The following USP38 variants were observed in gnomAD, a reference collection of about 807,000 sequenced individuals.
The protein encoded by USP38 is ubiquitin carboxyl-terminal hydrolase 38.
A neutral mutation model predicts 94.3 loss-of-function variants in USP38; 49 were observed. The observed-to-expected ratio is 0.52, with a 90% CI of 0.41 to 0.66. USP38 has a LOEUF of 0.66. Among genes scored for constraint, USP38 ranks in the 30% least tolerant of loss-of-function variants. The pLI is 0.00. For synonymous variants in USP38, 468 were observed against 463.6 expected, an observed-to-expected ratio of 1.01 and a Z score of -0.12; for missense variants, 1,128 against 1,229.4, an observed-to-expected ratio of 0.92 and a Z score of 1.23.
rs947330654 is a variant in USP38 at position 143,221,509 on chromosome 4, G to GT, written c.*1059dup. ...CATATTTTTAGAGTTTTACATTTGG[G>GT]TTTTTTGTTTGTTTGTTTCAGTCAT... is the stretch of plus-strand genomic sequence containing the variant. On this transcript the variant is annotated 3_prime_UTR_variant, in exon 10 of 10. Coordinates refer to ENST00000307017, the MANE Select transcript of USP38 (RefSeq NM_032557.6). The GT allele has an allele frequency of 5.9e-5, 9 of 152,384 alleles. No individual in the cohort carries two copies. The highest frequency in any genetic ancestry group is 1.2e-4 in the Non-Finnish European group (8 of 67,904). The allele number at this position is 152,384 out of a possible 1,614,324, so 9.4% of individuals were successfully genotyped here.
At chr4:143,202,457 C>T (rs1171112079) in intron 4 of USP38, among the ~76,000 whole-genome samples, 1 of 151,724 alleles carries the variant, frequency 6.6e-6, no homozygotes, top group Non-Finnish European at 1.5e-5. Context: ...TTAGCAACCC[C>T]AAAATGTTCT....
At chr4:143,197,203 A>G (rs141328179) in intron 3 of USP38, among the ~76,000 whole-genome samples, 117 of 152,308 alleles carry the variant, frequency 7.7e-4, no homozygotes, top group Non-Finnish European at 1.2e-3. Flanking sequence ...TGCCCTGCCT[A>G]TAATGCTCTT....
At position 143,185,155 on chromosome 4, in the gene USP38, C is replaced by T. The variant is rs1316754637; in HGVS notation, c.-296C>T. The T allele has an allele frequency of 7.3e-6, 2 of 273,522 alleles. No homozygotes were observed. Among genetic ancestry groups the T allele is most frequent in the Non-Finnish European group, 1.4e-5 (2 of 146,126 alleles). The allele number at this position is 273,522 out of a possible 1,614,324, so 16.9% of individuals were successfully genotyped here. On this transcript the variant is annotated 5_prime_UTR_variant, in exon 1 of 10. Coordinates refer to ENST00000307017, the MANE Select transcript of USP38 (RefSeq NM_032557.6). ...CTGGGGGGCCCGACAGGCCCCTCGG[C>T]GCTGATGCTGAGTGGGATCGAGGGC...
At chr4:143,208,423 G>A (rs1036996723) in intron 6 of USP38, among the ~76,000 whole-genome samples, 8 of 151,684 alleles carry the variant, frequency 5.3e-5, no homozygotes, top group African/African-American at 1.7e-4. Context: ...CTTTCAAATT[G>A]CTCTCCAAAA....
intron 1 of USP38, among the ~76,000 whole-genome samples, chr4:143,186,669 A>G (rs13128884): frequency 0.6 from 90,645 of 151,932 alleles, 27,217 homozygotes; most frequent in East Asian, 0.82. Flanking sequence ...ACAAAGGAGG[A>G]ATACAGATAG....
Position 143,213,934 on chromosome 4 carries a change from C to T in USP38, c.1958C>T (p.Pro653Leu). ...CTAATGCAAGCCTCTGTACCCGGTC[C>T]TTCAGAAGAACCAGTAGTTTATAAT... is the stretch of plus-strand genomic sequence containing the variant. ...GGLMQASVPG[P>L]SEEPVVYNPT... Residue 653 changes from proline (P) to leucine (L), a missense_variant, in exon 9 of 10, where the codon CCT (proline) becomes CTT (leucine). Pro to Leu is a moderately conservative substitution (Grantham distance 98). Transcript: ENST00000307017. The T allele has an allele frequency of 1.2e-6, 2 of 1,613,790 alleles. No homozygotes were observed. The highest frequency in any genetic ancestry group is 1.7e-6 in the Non-Finnish European group (2 of 1,179,828).
rs933952423 is a variant in USP38 at position 143,211,586 on chromosome 4, T to C, written c.1498-732T>C. Among the ~76,000 whole-genome samples the C allele has an allele frequency of 5.3e-5, 8 of 152,308 alleles. No individual in the cohort carries two copies. The East Asian group carries it at 5.8e-4, about 11-fold the overall frequency. ...TAATTTGGGTAAAATTTTTCTTAACTGAGAACTTCATTGTTATGAAGTTAT... is the reference window on the plus strand; with the variant it reads ...TAATTTGGGTAAAATTTTTCTTAACCGAGAACTTCATTGTTATGAAGTTAT... On this transcript the variant is annotated intron_variant, in intron 7 of 9. Transcript: ENST00000307017.
At chr4:143,204,990 A>G (rs1316908662) in intron 5 of USP38, among the ~76,000 whole-genome samples, 1 of 152,176 alleles carries the variant, frequency 6.6e-6, no homozygotes, top group Non-Finnish European at 1.5e-5. Context: ...CAATTAATGT[A>G]TATTGCTGGG....
In USP38 at chr4:143,213,548, T is replaced by G; in HGVS notation, c.1605-33T>G. On this transcript the variant is annotated intron_variant, in intron 8 of 9. Coordinates refer to ENST00000307017, the MANE Select transcript of USP38 (RefSeq NM_032557.6). ...ATAGAAATGACATTTGAAGTTAATT[T>G]AAGTAGCTATATAATGATATCCTCT... The G allele has an allele frequency of 4.0e-6, 6 of 1,516,868 alleles. No homozygotes were observed. The South Asian group carries it at 6.7e-5, about 17-fold the overall frequency. 94.0% of individuals were successfully genotyped at this position (1,516,868 alleles called of 1,614,324 possible).
At chr4:143,197,500 A>G (rs1408945121) in intron 3 of USP38, among the ~76,000 whole-genome samples, 1 of 152,214 alleles carries the variant, frequency 6.6e-6, no homozygotes, top group Non-Finnish European at 1.5e-5. Context: ...AGGACAAGTA[A>G]TAGTATGTGC....
At chr4:143,206,273 C>A in intron 6 of USP38, 47 bp downstream of exon 6, 1 of 1,406,192 alleles carries the variant, frequency 7.1e-7, no homozygotes, top group African/African-American at 1.4e-5. Flanking sequence ...GAAGTTGATG[C>A]ATGCTGATGA....
At chr4:143,202,131 G>C in intron 4 of USP38, among the ~76,000 whole-genome samples, 1 of 152,224 alleles carries the variant, frequency 6.6e-6, no homozygotes, top group Non-Finnish European at 1.5e-5. Flanking sequence ...GATAAATGTG[G>C]CTTTATGCGA....
At chr4:143,190,627 T>C (rs936103665) in intron 2 of USP38, among the ~76,000 whole-genome samples, 1 of 152,134 alleles carries the variant, frequency 6.6e-6, no homozygotes, top group African/African-American at 2.4e-5. Context: ...TTCAAATCCA[T>C]CCTTTCATTC....
At chr4:143,217,165 T>C (rs1194485127) in intron 9 of USP38, among the ~76,000 whole-genome samples, 1 of 152,196 alleles carries the variant, frequency 6.6e-6, no homozygotes, top group Non-Finnish European at 1.5e-5. Flanking sequence ...AAATTTTTCA[T>C]ACCATTTAAT....
At chr4:143,195,295 T>C (rs932228224) in intron 2 of USP38, among the ~76,000 whole-genome samples, 1 of 152,192 alleles carries the variant, frequency 6.6e-6, no homozygotes, top group Non-Finnish European at 1.5e-5. Flanking sequence ...TCAAAGGAAA[T>C]GCTCATTGGG....
chr4:143,223,452 G>C lies in USP38; in HGVS notation c.*2996G>C, dbSNP rs1732373172. 6.6e-6 allele frequency: 1 copy of C among 152,072 alleles called. No individual in the cohort carries two copies. Among genetic ancestry groups the C allele is most frequent in the African/African-American group, 2.4e-5 (1 of 41,430 alleles). 9.4% of individuals were successfully genotyped at this position (152,072 alleles called of 1,614,324 possible). A position where few individuals can be genotyped will look rare whatever the true frequency, so the allele number is the denominator to read the frequency against. The stretch of plus-strand genomic sequence containing the variant: ...ATGTGGAAAGAACAAAAATTTTCAA[G>C]CTAAGTCTTAAGTTCAAATCTATAA... On this transcript the variant is annotated 3_prime_UTR_variant, in exon 10 of 10. Transcript: ENST00000307017.
chr4:143,215,908 G>A (rs1732172223), intron 9 of USP38, among the ~76,000 whole-genome samples: 1 of 151,984 alleles, frequency 6.6e-6, no homozygotes, highest in African/African-American at 2.4e-5. Flanking sequence ...TAGAAAATCA[G>A]AATATTTGTT....
intron 7 of USP38, among the ~76,000 whole-genome samples, 175 bp from the exon 8 acceptor site, chr4:143,212,143 C>T (rs1732042984): frequency 6.6e-6 from 1 of 152,160 alleles, no homozygotes; most frequent in African/African-American, 2.4e-5. Flanking sequence ...CTAAAGATTA[C>T]CTAACTTTAT....
At chr4:143,194,769 GA>G (rs1731498583) in intron 2 of USP38, among the ~76,000 whole-genome samples, 1 of 152,166 alleles carries the variant, frequency 6.6e-6, no homozygotes, top group African/African-American at 2.4e-5. Context: ...TGGCTTCCCA[GA>G]GTGCTGAGAT....
Sources: gnomAD v4.1 joint callset for allele counts (sites outside exome capture counted in the v4.1 genomes callset) on GRCh38, gnomAD v4.1.1 for gene constraint, MANE v1.5 for transcripts, NCBI Gene and HGNC (gene_info 2026-07-23, HGNC 2026-07-21) for gene names.